The following BAZ2B variants were observed in gnomAD, a reference collection of about 807,000 sequenced individuals.
BAZ2B encodes bromodomain adjacent to zinc finger domain 2B, also known as bromodomain adjacent to zinc finger domain protein 2B.
In BAZ2B, 91 loss-of-function variants were observed where a neutral mutation model predicts 246.0. The observed-to-expected ratio is 0.37, with a 90% confidence interval of 0.31 to 0.44. The LOEUF is 0.44. Ranked by LOEUF, BAZ2B falls within the 20% of genes least tolerant of loss-of-function variation. BAZ2B has a pLI of 1.00. For missense variants in BAZ2B, 2,332 were observed against 2,533.7 expected (o/e 0.92, Z 1.71); for synonymous variants, 855 against 860.0 (o/e 0.99, Z 0.10).
chr2:159,582,102 A>G (rs1043177770), intron 1 of BAZ2B, among the ~76,000 whole-genome samples: 1 of 152,236 alleles, frequency 6.6e-6, no homozygotes, highest in African/African-American at 2.4e-5. Context: ...TAATCCTTTT[A>G]AAGAAAACGT....
rs1166878158 is a variant in BAZ2B at position 159,593,144 on chromosome 2, T to C, written c.-46+23098A>G. ...AATAAAAAGAAAATACATGTTCACT[T>C]AATAAAACATATGATATGCTAATCT... On this transcript the variant is annotated intron_variant, in intron 1 of 36. Transcript: ENST00000392783. 2.0e-5 allele frequency among the ~76,000 whole-genome samples: 3 copies of C among 152,212 alleles called. No individual in the cohort carries two copies. In the East Asian group the frequency reaches 5.8e-4, roughly 29 times the overall value.
intron 3 of BAZ2B, among the ~76,000 whole-genome samples, chr2:159,470,959 A>G (rs116325586): frequency 0.016 from 2,466 of 152,268 alleles, 74 homozygotes; most frequent in African/African-American, 0.056. Flanking sequence ...AAGACAAGAA[A>G]TAACAGGCCT....
At chr2:159,602,248 T>C (rs1692327960) in intron 1 of BAZ2B, among the ~76,000 whole-genome samples, 1 of 152,086 alleles carries the variant, frequency 6.6e-6, no homozygotes, top group Non-Finnish European at 1.5e-5. Flanking sequence ...GTAAAAAAAT[T>C]CCACCATACA....
intron 34 of BAZ2B, among the ~76,000 whole-genome samples, chr2:159,327,512 G>C (rs749578211): frequency 3.3e-5 from 5 of 151,980 alleles, no homozygotes; most frequent in Non-Finnish European, 4.4e-5. Context: ...TCTCCATTTA[G>C]TTATTTATAT....
intron 2 of BAZ2B, among the ~76,000 whole-genome samples, chr2:159,492,233 C>T (rs1013297608): frequency 6.6e-6 from 1 of 152,154 alleles, no homozygotes; most frequent in Admixed American, 6.5e-5. Flanking sequence ...AATTGCATAT[C>T]AAATCCTTCC....
intron 2 of BAZ2B, among the ~76,000 whole-genome samples, chr2:159,509,882 T>C (rs1289198507): frequency 1.3e-5 from 2 of 152,146 alleles, no homozygotes; most frequent in Non-Finnish European, 2.9e-5. Flanking sequence ...TGTGTATATA[T>C]GTACATTTAT....
At chr2:159,627,315 T>C in the BAZ2B span, among the ~76,000 whole-genome samples, 1 of 150,480 alleles carries the variant, frequency 6.6e-6, no homozygotes, top group South Asian at 2.1e-4. Context: ...TCCCTCTTTT[T>C]ATGAGGCGAG....
the BAZ2B span, among the ~76,000 whole-genome samples, chr2:159,640,909 A>G: frequency 6.6e-6 from 1 of 152,068 alleles, no homozygotes; most frequent in Non-Finnish European, 1.5e-5. Flanking sequence ...GAGAAGAAAT[A>G]AATGAAATAG....
At chr2:159,455,763 GT>G (rs60866580) in intron 3 of BAZ2B, among the ~76,000 whole-genome samples, 13,700 of 65,228 alleles carry the variant, frequency 0.21, 632 homozygotes, top group South Asian at 0.26. Context: ...AAATATTGTG[GT>G]TTTTTTTTTT....
chr2:159,590,060 G>A (rs913444048), intron 1 of BAZ2B, among the ~76,000 whole-genome samples: 1 of 151,416 alleles, frequency 6.6e-6, no homozygotes, highest in Non-Finnish European at 1.5e-5. Context: ...GCTGGCAGGC[G>A]CCTGTAATCC....
chr2:159,365,574 G>C (rs2060134398), intron 27 of BAZ2B, among the ~76,000 whole-genome samples: 1 of 152,202 alleles, frequency 6.6e-6, no homozygotes, highest in South Asian at 2.1e-4. Flanking sequence ...ACTTCCTGAT[G>C]ACACTGCTAG....
chr2:159,360,812 G>A (rs1158150010), intron 27 of BAZ2B, among the ~76,000 whole-genome samples: 1 of 152,078 alleles, frequency 6.6e-6, no homozygotes, highest in Non-Finnish European at 1.5e-5. Flanking sequence ...CTACAACCAT[G>A]TGATCTTTGA....
chr2:159,360,589 A>G (rs2059580953), intron 27 of BAZ2B, among the ~76,000 whole-genome samples: 1 of 152,114 alleles, frequency 6.6e-6, no homozygotes, highest in Admixed American at 6.5e-5. Flanking sequence ...ACAGAATTAG[A>G]AAAAAACTAC....
intron 2 of BAZ2B, among the ~76,000 whole-genome samples, chr2:159,537,438 CTGTGT>C (rs2086143213): frequency 6.6e-6 from 1 of 152,204 alleles, no homozygotes; most frequent in South Asian, 2.1e-4. Flanking sequence ...TGTTACCTGT[CTGTGT>C]TAAGTGGAGG....
At chr2:159,592,091 G>A (rs898506562) in intron 1 of BAZ2B, among the ~76,000 whole-genome samples, 12 of 151,782 alleles carry the variant, frequency 7.9e-5, no homozygotes, top group African/African-American at 2.2e-4. Context: ...CCAAACTCCA[G>A]CCTGGGCAAC....
chr2:159,486,874 CT>C (rs1449662087), intron 2 of BAZ2B, among the ~76,000 whole-genome samples: 2 of 151,876 alleles, frequency 1.3e-5, no homozygotes, highest in African/African-American at 4.8e-5. Context: ...CCTATACTAG[CT>C]AATATGTTAA....
intron 1 of BAZ2B, among the ~76,000 whole-genome samples, chr2:159,591,208 A>G (rs1344956548): frequency 6.6e-6 from 1 of 152,240 alleles, no homozygotes; most frequent in African/African-American, 2.4e-5. Flanking sequence ...TTTTCCAACT[A>G]TTAAGAAAGC....
Position 159,429,193 on chromosome 2 carries a change from T to C in BAZ2B, c.2255+7A>G. ...AAAAAGAAAAAGGAAAACCTTATTT[T>C]GCATACCCATATTCCAATGGAATAC... On this transcript the variant is annotated splice_region_variant and intron_variant, in intron 11 of 36. Transcript: ENST00000392783. 6.6e-7 allele frequency: 1 copy of C among 1,523,490 alleles called. No individual in the cohort carries two copies. The allele number at this position is 1,523,490 out of a possible 1,614,324, so 94.4% of individuals were successfully genotyped here.
rs111382817 is a variant in BAZ2B at position 159,330,700 on chromosome 2, T to TAAAA, written c.5943+1836_5943+1839dup. Among the ~76,000 whole-genome samples, 3 of 146,692 alleles carry TAAAA rather than the reference T, an allele frequency of 2.0e-5. 1 individual carries two copies. The highest frequency in any genetic ancestry group is 4.3e-4 in the South Asian group (2 of 4,614). ...TAGCGAGAACCCATCTCTACAAAAT[T>TAAAA]AAAAAAAAAAAGCCAGGCATAGTGG... On this transcript the variant is annotated intron_variant, in intron 34 of 36. Transcript: ENST00000392783.
Sources: gnomAD v4.1 joint callset for allele counts (sites outside exome capture counted in the v4.1 genomes callset) on GRCh38, gnomAD v4.1.1 for gene constraint, MANE v1.5 for transcripts, NCBI Gene and HGNC (gene_info 2026-07-23, HGNC 2026-07-21) for gene names.